PTK2: variants seen among roughly 807,000 people sequenced by gnomAD.
The protein encoded by PTK2 is focal adhesion kinase 1.
Under a neutral mutation model 150.1 loss-of-function variants are expected in PTK2, and 45 were observed. The observed-to-expected ratio is 0.30, with a 90% CI of 0.24 to 0.38. The LOEUF is 0.38. Ranked by LOEUF, PTK2 falls within the 10% of genes least tolerant of loss-of-function variation. The probability of loss-of-function intolerance (pLI) is 1.00; values close to 1 mark genes in which losing one functional copy is unlikely to be tolerated. For synonymous variants in PTK2, 432 were observed against 449.2 expected (o/e 0.96, Z 0.48); for missense variants, 919 against 1,307.3 (o/e 0.70, Z 4.58).
intron 3 of PTK2, among the ~76,000 whole-genome samples, chr8:140,887,636 T>C (rs2100152784): frequency 6.6e-6 from 1 of 152,156 alleles, no homozygotes; most frequent in African/African-American, 2.4e-5. Flanking sequence ...AGAACACCAC[T>C]GTCCAGCAGA....
At chr8:140,832,443 G>A (rs1363406399) in intron 7 of PTK2, among the ~76,000 whole-genome samples, 2 of 152,184 alleles carry the variant, frequency 1.3e-5, no homozygotes, top group South Asian at 2.1e-4. Context: ...GTAAAGTGGG[G>A]ATGTGAACTC....
At chr8:140,710,958 G>T (rs1052650564) in intron 23 of PTK2, among the ~76,000 whole-genome samples, 2 of 152,136 alleles carry the variant, frequency 1.3e-5, no homozygotes, top group Admixed American at 1.3e-4. Context: ...CTTTTGTTTT[G>T]AGACAGTCAC....
At chr8:140,886,469 G>C (rs1361566107) in intron 3 of PTK2, among the ~76,000 whole-genome samples, 3 of 152,192 alleles carry the variant, frequency 2.0e-5, no homozygotes, top group African/African-American at 2.4e-5. Context: ...AGAATAGGCA[G>C]AAGGTTGGAT....
intron 27 of PTK2, among the ~76,000 whole-genome samples, chr8:140,684,782 G>A (rs995881078): frequency 2.6e-5 from 4 of 152,148 alleles, no homozygotes; most frequent in South Asian, 2.1e-4. Flanking sequence ...TGGTCATACC[G>A]CCCAAAGTAT....
chr8:140,812,350 C>T (rs780718159), intron 10 of PTK2, among the ~76,000 whole-genome samples: 10 of 152,134 alleles, frequency 6.6e-5, no homozygotes, highest in Non-Finnish European at 1.2e-4. Context: ...CAAGCAAATG[C>T]TGAAGAAATT....
At chr8:140,783,486 A>G (rs1203393263) in intron 14 of PTK2, among the ~76,000 whole-genome samples, 1 of 152,226 alleles carries the variant, frequency 6.6e-6, no homozygotes, top group Non-Finnish European at 1.5e-5. Flanking sequence ...GCATATGTAA[A>G]TAACTACCTG....
At chr8:140,885,777 G>GT (rs1215329990) in intron 3 of PTK2, among the ~76,000 whole-genome samples, 1 of 152,158 alleles carries the variant, frequency 6.6e-6, no homozygotes, top group African/African-American at 2.4e-5. Flanking sequence ...GAAAGAAAAA[G>GT]TGAGTGACTA....
At chr8:140,737,138 A>AAT (rs1270324827) in intron 21 of PTK2, among the ~76,000 whole-genome samples, 17 of 152,240 alleles carry the variant, frequency 1.1e-4, no homozygotes, top group African/African-American at 4.1e-4. Context: ...AAATTTTACA[A>AAT]ATATATATAT....
chr8:140,730,387 A>C (rs1476848581), intron 22 of PTK2, among the ~76,000 whole-genome samples: 1 of 152,242 alleles, frequency 6.6e-6, no homozygotes, highest in Admixed American at 6.5e-5. Context: ...TTAATCCCAC[A>C]AACTGTTGAG....
At chr8:140,841,823 T>A (rs997210045) in intron 7 of PTK2, among the ~76,000 whole-genome samples, 2 of 152,020 alleles carry the variant, frequency 1.3e-5, no homozygotes, top group African/African-American at 4.8e-5. Context: ...AGGTTTAATA[T>A]CACCAGTAAT....
At chr8:140,762,122 C>A (rs375866298) in intron 15 of PTK2, among the ~76,000 whole-genome samples, 1 of 152,034 alleles carries the variant, frequency 6.6e-6, no homozygotes, top group Non-Finnish European at 1.5e-5. Flanking sequence ...ACACCAAGAG[C>A]CAAATATTTT....
intron 26 of PTK2, among the ~76,000 whole-genome samples, chr8:140,690,747 C>T (rs1367692248): frequency 2.0e-5 from 3 of 152,164 alleles, no homozygotes; most frequent in East Asian, 1.9e-4. Context: ...TATGATTCTA[C>T]AGCCTTCACA....
At chr8:140,681,912 G>A (rs1359143827) in intron 27 of PTK2, among the ~76,000 whole-genome samples, 8 of 152,176 alleles carry the variant, frequency 5.3e-5, no homozygotes, top group Admixed American at 1.3e-4. Context: ...AGACACTGGC[G>A]ATGACCTTAA....
rs561681251 is a variant in PTK2, at chr8:140,864,092, A to G, written c.450+220T>C. Among the ~76,000 whole-genome samples, 135 of 152,358 alleles carry G rather than the reference A, an allele frequency of 8.9e-4. 2 individuals are homozygous for G. Among genetic ancestry groups the G allele is most frequent in the Non-Finnish European group, 4.7e-4 (32 of 68,028 alleles). On this transcript the variant is annotated intron_variant, in intron 5 of 31. Coordinates refer to ENST00000522684, the Ensembl canonical transcript of PTK2. ...ATGATTGTAGACCTACTGTCTCCATATAATAGAAGTTATCTTTTAAGATTT... is the reference window on the plus strand; with the variant it reads ...ATGATTGTAGACCTACTGTCTCCATGTAATAGAAGTTATCTTTTAAGATTT...
chr8:140,792,731 C>T (rs1308064426), intron 13 of PTK2, among the ~76,000 whole-genome samples: 1 of 152,192 alleles, frequency 6.6e-6, no homozygotes, highest in Non-Finnish European at 1.5e-5. Context: ...CCTCTCTATT[C>T]CAGTGGCCTC....
intron 1 of PTK2, chr8:140,983,820 A>G (rs2100192340): frequency 6.6e-6 from 1 of 152,178 alleles, no homozygotes; most frequent in Non-Finnish European, 1.5e-5. Context: ...TAATGTAAAC[A>G]TTTACTTTTA....
chr8:140,791,718 G>T (rs925085886), intron 13 of PTK2, among the ~76,000 whole-genome samples: 1 of 152,188 alleles, frequency 6.6e-6, no homozygotes, highest in Non-Finnish European at 1.5e-5. Flanking sequence ...ATGCGACCTA[G>T]AAGATGAGTT....
chr8:140,782,127 A>G (rs981342872), intron 14 of PTK2, among the ~76,000 whole-genome samples: 1 of 152,202 alleles, frequency 6.6e-6, no homozygotes, highest in African/African-American at 2.4e-5. Context: ...ACAGATCAAT[A>G]ACATTCAATA....
In PTK2 at chr8:140,925,086, C is replaced by G. The variant is rs188337335; in HGVS notation, c.-33+575G>C. 5.9e-5 allele frequency among the ~76,000 whole-genome samples: 9 copies of G among 152,024 alleles called. 1 individual carries two copies. Among genetic ancestry groups the G allele is most frequent in the African/African-American group, 2.2e-4 (9 of 41,528 alleles). The stretch of plus-strand genomic sequence containing the variant: ...TCACCAAAAGCAGTTCACAAAATAC[C>G]AGCCTAACTTTCACATTTCTCATAT... On this transcript the variant is annotated intron_variant, in intron 2 of 31. Coordinates refer to ENST00000522684, the Ensembl canonical transcript of PTK2.
Sources: gnomAD v4.1 joint callset for allele counts (sites outside exome capture counted in the v4.1 genomes callset) on GRCh38, gnomAD v4.1.1 for gene constraint, MANE v1.5 for transcripts, NCBI Gene and HGNC (gene_info 2026-07-23, HGNC 2026-07-21) for gene names.